CCDC196: variants seen among roughly 807,000 people sequenced by gnomAD.
CCDC196 encodes the protein coiled-coil domain-containing protein 196.
rs896735275 is a variant in CCDC196, at chr14:66,486,398, C to G, written c.-105C>G. ...TGTAGCTAAGATCAGTCCACTGCAGCAGGAGTTTCAAGAACAGCAGCACAA... is the reference window on the plus strand; with the variant it reads ...TGTAGCTAAGATCAGTCCACTGCAGGAGGAGTTTCAAGAACAGCAGCACAA... On this transcript the variant is annotated 5_prime_UTR_variant, in exon 1 of 10. Transcript: ENST00000636229. 6 of 397,556 alleles carry G rather than the reference C, an allele frequency of 1.5e-5. No individual in the cohort carries two copies. The highest frequency in any genetic ancestry group is 1.2e-4 in the African/African-American group (6 of 48,578). 24.6% of individuals were successfully genotyped at this position (397,556 alleles called of 1,614,324 possible). A position where few individuals can be genotyped will look rare whatever the true frequency, so the allele number is the denominator to read the frequency against.
At position 66,491,627 on chromosome 14, in the gene CCDC196, A is replaced by G. The variant is rs182923969; in HGVS notation, c.515A>G (p.Glu172Gly). The change falls in exon 7 of 10, where the codon GAA (glutamate) becomes GGA (glycine). Residue 172 changes from glutamate to glycine, a missense_variant and splice_region_variant. Coordinates refer to ENST00000636229, the MANE Select transcript of CCDC196 (RefSeq NM_001351576.1). Reference sequence around the variant, plus strand: ...CCCAGAGGCTCTTTCTTCCACCAGGAAAAGCAACAGAGGAAAATGGAATGG... The same window carrying G: ...CCCAGAGGCTCTTTCTTCCACCAGGGAAAGCAACAGAGGAAAATGGAATGG... ...FAEKVKEIRK[E>G]KQQRKMEWVK... The G allele has an allele frequency of 7.2e-6, 3 of 413,996 alleles. No homozygotes were observed. Among genetic ancestry groups the G allele is most frequent in the Middle Eastern group, 6.3e-4 (1 of 1,592 alleles). The allele number at this position is 413,996 out of a possible 1,614,324, so 25.6% of individuals were successfully genotyped here.
At chr14:66,496,340 T>C (rs935889882) in intron 8 of CCDC196, 4 of 456,162 alleles carry the variant, frequency 8.8e-6, no homozygotes, top group Admixed American at 4.7e-5. Context: ...ATGATCTGTG[T>C]AGCTGGCAAA....
At chr14:66,496,540 A>G (rs2057671470) in intron 8 of CCDC196, 2 of 354,078 alleles carry the variant, frequency 5.6e-6, no homozygotes, top group Admixed American at 3.6e-5. Context: ...GTGACATTTG[A>G]AAGGATTTAC....
intron 8 of CCDC196, chr14:66,493,812 A>G (rs1453841017): frequency 6.6e-6 from 1 of 152,224 alleles, no homozygotes; most frequent in Non-Finnish European, 1.5e-5. Flanking sequence ...CTGGAATGCA[A>G]CAAGAAGCAG....
At chr14:66,490,151 C>T (rs1019485561) in intron 4 of CCDC196, among the ~76,000 whole-genome samples, 3 of 152,100 alleles carry the variant, frequency 2.0e-5, no homozygotes, top group African/African-American at 7.2e-5. Flanking sequence ...CTTGAGTCCT[C>T]GTAATAGGAA....
intron 1 of CCDC196, 51 bp from the exon 2 acceptor site, chr14:66,486,606 C>G: frequency 4.8e-6 from 2 of 413,462 alleles, no homozygotes. Context: ...CTCTCTCTCT[C>G]TCTCTCTCAA....
At chr14:66,494,142 A>T (rs2057607134) in intron 8 of CCDC196, among the ~76,000 whole-genome samples, 1 of 152,334 alleles carries the variant, frequency 6.6e-6, no homozygotes, top group Non-Finnish European at 1.5e-5. Flanking sequence ...GAATTAAATG[A>T]TAGGGTACTA....
At chr14:66,488,115 C>G (rs2057451709) in intron 2 of CCDC196, 45 bp from the exon 3 acceptor site, 8 of 412,074 alleles carry the variant, frequency 1.9e-5, no homozygotes. Context: ...TCAGTATTAC[C>G]CTTAAGGAGG....
chr14:66,497,359 C>A (rs577254497), intron 8 of CCDC196, among the ~76,000 whole-genome samples: 1 of 151,896 alleles, frequency 6.6e-6, no homozygotes, highest in African/African-American at 2.4e-5. Flanking sequence ...ATAAACTGTA[C>A]CCTTATTAAT....
chr14:66,491,651 G>A lies in CCDC196; in HGVS notation c.539G>A (p.Trp180Ter). ...GAAAAGCAACAGAGGAAAATGGAAT[G>A]GGTCAAGTATCAGGAACAAAATAAC... ...RKEKQQRKME[W>*]VKYQEQNNIL... Residue 180 changes from tryptophan (W) to a stop codon, truncating the protein, a stop_gained, in exon 7 of 10, where the codon TGG (tryptophan) becomes TAG (stop). Coordinates refer to ENST00000636229, the MANE Select transcript of CCDC196 (RefSeq NM_001351576.1). LOFTEE classifies it high-confidence loss of function. 2.4e-6 allele frequency: 1 copy of A among 414,004 alleles called. No individual in the cohort carries two copies. The highest frequency in any genetic ancestry group is 4.4e-5 in the Admixed American group (1 of 22,750). 25.6% of individuals were successfully genotyped at this position (414,004 alleles called of 1,614,324 possible). A position where few individuals can be genotyped will look rare whatever the true frequency, so the allele number is the denominator to read the frequency against.
At chr14:66,488,880 T>C (rs963456449) in intron 3 of CCDC196, 107 bp from the exon 4 acceptor site, 4 of 410,536 alleles carry the variant, frequency 9.7e-6, no homozygotes, top group Non-Finnish European at 1.8e-5. Flanking sequence ...TGGTTTACTA[T>C]GTCCCTGGAC....
In CCDC196 at chr14:66,486,684, G is replaced by T; in HGVS notation, c.78G>T (p.Leu26Phe). ...IRSSKIDDNY[L>F]KELNEDLKLR... ...GTTCTAAAATAGATGACAACTACTT[G>T]AAGGAATTGAATGAGGACTTAAAGC... Residue 26 changes from leucine to phenylalanine, a missense_variant, in exon 2 of 10, where the codon TTG (leucine) becomes TTT (phenylalanine). Physicochemically the swap from Leu to Phe is conservative, Grantham distance 22 (BLOSUM62 0). Coordinates refer to ENST00000636229, the MANE Select transcript of CCDC196 (RefSeq NM_001351576.1). 1 of 413,454 alleles carries T rather than the reference G, an allele frequency of 2.4e-6. No individual in the cohort carries two copies. The highest frequency in any genetic ancestry group is 4.4e-6 in the Non-Finnish European group (1 of 226,140). The allele number at this position is 413,454 out of a possible 1,614,324, so 25.6% of individuals were successfully genotyped here.
rs145856462 is a variant in CCDC196 at position 66,497,960 on chromosome 14, G to A, written c.716-149G>A. 3 of 396,970 alleles carry A rather than the reference G, an allele frequency of 7.6e-6. No homozygotes were observed. In the East Asian group the frequency reaches 1.1e-4, roughly 15 times the overall value. 24.6% of individuals were successfully genotyped at this position (396,970 alleles called of 1,614,324 possible). On this transcript the variant is annotated intron_variant, in intron 8 of 9. Coordinates refer to ENST00000636229, the MANE Select transcript of CCDC196 (RefSeq NM_001351576.1). ...CTGCCACTCCAACTTCTGAAATATT[G>A]TTTGACAAAGTTATTTTCTAAAAAA...
intron 8 of CCDC196, among the ~76,000 whole-genome samples, chr14:66,492,498 T>A (rs1450777636): frequency 6.6e-6 from 1 of 151,828 alleles, no homozygotes; most frequent in African/African-American, 2.4e-5. Flanking sequence ...CGCACCACCA[T>A]GCCCAGCTAA....
At chr14:66,486,834 T>C (rs1042426733) in intron 2 of CCDC196, 25 bp downstream of exon 2, 1 of 412,540 alleles carries the variant, frequency 2.4e-6, no homozygotes, top group African/African-American at 2.1e-5. Context: ...TCTGGATTCC[T>C]AGAGGTAAAA....
intron 8 of CCDC196, among the ~76,000 whole-genome samples, chr14:66,497,127 C>A (rs892863782): frequency 6.6e-6 from 1 of 152,118 alleles, no homozygotes; most frequent in African/African-American, 2.4e-5. Context: ...TAGCTCAAAT[C>A]CGGGTCCTTG....
intron 4 of CCDC196, among the ~76,000 whole-genome samples, chr14:66,490,317 C>G (rs2057506588): frequency 6.6e-6 from 1 of 152,190 alleles, no homozygotes; most frequent in South Asian, 2.1e-4. Flanking sequence ...TCAGAAAGAT[C>G]TGGTTCAAAT....
rs1173608277 is a variant in CCDC196 at position 66,498,435 on chromosome 14, T to A, written c.857T>A (p.Phe286Tyr). The part of the protein sequence containing the change: ...QLDNTGGRLF[F>Y]LRSLPDEALK... Reference sequence around the variant, plus strand: ...GATAATACAGGAGGGAGACTCTTTTTTCTGAGGTCATTGCCAGATGAAGCA... The same window carrying A: ...GATAATACAGGAGGGAGACTCTTTTATCTGAGGTCATTGCCAGATGAAGCA... The change falls in exon 10 of 10, where the codon TTT (phenylalanine) becomes TAT (tyrosine). Residue 286 changes from phenylalanine to tyrosine, a missense_variant. By Grantham distance (22) the Phe-to-Tyr change is conservative (BLOSUM62 3). Coordinates refer to ENST00000636229, the MANE Select transcript of CCDC196 (RefSeq NM_001351576.1). The A allele has an allele frequency of 2.4e-6, 1 of 413,436 alleles. No homozygotes were observed. The highest frequency in any genetic ancestry group is 2.1e-5 in the African/African-American group (1 of 48,624). The allele number at this position is 413,436 out of a possible 1,614,324, so 25.6% of individuals were successfully genotyped here.
At chr14:66,492,427 C>T (rs1214881265) in intron 8 of CCDC196, among the ~76,000 whole-genome samples, 1 of 151,724 alleles carries the variant, frequency 6.6e-6, no homozygotes, top group East Asian at 1.9e-4. Context: ...CCTCTGCCTC[C>T]CGGGTCCCAG....
Sources: allele counts gnomAD v4.1 joint callset (sites outside exome capture counted in the v4.1 genomes callset), GRCh38; gene constraint gnomAD v4.1.1; transcripts MANE v1.5; gene names NCBI Gene and HGNC (gene_info 2026-07-23, HGNC 2026-07-21).